TAMM41: variants seen among roughly 807,000 people sequenced by gnomAD.
TAMM41 encodes phosphatidate cytidylyltransferase, mitochondrial.
TAMM41 carries 36 observed loss-of-function variants against 44.1 expected under a neutral mutation model. The observed-to-expected ratio is 0.82, with a 90% CI of 0.63 to 1.08. The LOEUF (loss-of-function observed/expected upper bound fraction) is 1.08. TAMM41 is among the 50% of genes least tolerant of loss of function. The pLI, the probability that TAMM41 is intolerant of heterozygous loss-of-function variation, is 0.00. For synonymous variants in TAMM41, 164 were observed against 153.1 expected (o/e 1.07, Z -0.53); for missense variants, 417 against 404.3 (o/e 1.03, Z -0.27).
At chr3:11,830,993 C>A (rs1021901127) in intron 3 of TAMM41, 1 of 152,114 alleles carries the variant, frequency 6.6e-6, no homozygotes, top group African/African-American at 2.4e-5. Context: ...CTTACTAGCT[C>A]TGTGACTATG....
chr3:11,732,674 G>A, the TAMM41 span, among the ~76,000 whole-genome samples: 32,097 of 152,108 alleles, frequency 0.21, 3,558 homozygotes, highest in East Asian at 0.3. Context: ...GATCAAGGAG[G>A]GCCTCTCTGA....
At chr3:11,795,104 T>A (rs563123431) in intron 7 of TAMM41, among the ~76,000 whole-genome samples, 5 of 152,310 alleles carry the variant, frequency 3.3e-5, no homozygotes, top group South Asian at 4.1e-4. Context: ...TTCTACTGTG[T>A]TCCCGGAAAA....
intron 3 of TAMM41, among the ~76,000 whole-genome samples, chr3:11,838,411 T>G (rs1248382050): frequency 1.3e-5 from 2 of 151,994 alleles, no homozygotes; most frequent in Non-Finnish European, 2.9e-5. Flanking sequence ...AGAGACGGGG[T>G]TTCACCACTT....
chr3:11,786,569 C>T (rs1163534634), downstream of TAMM41, among the ~76,000 whole-genome samples: 1 of 152,094 alleles, frequency 6.6e-6, no homozygotes, highest in Non-Finnish European at 1.5e-5. Flanking sequence ...TCCCAAAGTG[C>T]TGGGATTACA....
At chr3:11,832,183 T>A (rs2079007509) in intron 3 of TAMM41, among the ~76,000 whole-genome samples, 1 of 152,152 alleles carries the variant, frequency 6.6e-6, no homozygotes, top group Admixed American at 6.6e-5. Context: ...TGCTTATTCC[T>A]TGAATAACTT....
chr3:11,767,626 A>AGTTTTTTTTTTTTTTTTTT, the TAMM41 span, among the ~76,000 whole-genome samples: 1 of 60,692 alleles, frequency 1.6e-5, no homozygotes. Context: ...CACGTTGTGC[A>AGTTTTTTTTTTTTTTTTTT]TTTTTTTTTT....
At chr3:11,837,258 T>C (rs2173331) in intron 3 of TAMM41, among the ~76,000 whole-genome samples, 87,385 of 152,042 alleles carry the variant, frequency 0.57, 27,080 homozygotes, top group African/African-American at 0.78. Context: ...GAGAACAATC[T>C]ATCGGCCTCT....
the TAMM41 span, among the ~76,000 whole-genome samples, chr3:11,746,073 G>C: frequency 6.6e-6 from 1 of 152,144 alleles, no homozygotes; most frequent in Non-Finnish European, 1.5e-5. Flanking sequence ...GGCCGAGGCA[G>C]GTGGATCACG....
chr3:11,839,371 C>T, intron 2 of TAMM41, 57 bp from the exon 3 acceptor site: 1 of 1,137,060 alleles, frequency 8.8e-7, no homozygotes, highest in Non-Finnish European at 1.3e-6. Flanking sequence ...ATTGCTTATA[C>T]AAGTATAAAA....
chr3:11,781,737 AATAAT>A, the TAMM41 span, among the ~76,000 whole-genome samples: 12 of 23,370 alleles, frequency 5.1e-4, no homozygotes, highest in Admixed American at 3.2e-3. Flanking sequence ...TCCATCTCAA[AATAAT>A]AATAATAATA....
chr3:11,813,993 C>CACAG (rs1315695454), intron 5 of TAMM41, among the ~76,000 whole-genome samples: 7 of 115,562 alleles, frequency 6.1e-5, no homozygotes, highest in Non-Finnish European at 6.7e-5. Context: ...CCTGTGTATA[C>CACAG]ACACACACAC....
the TAMM41 span, among the ~76,000 whole-genome samples, chr3:11,725,260 CTT>C: frequency 7.1e-6 from 1 of 140,856 alleles, no homozygotes. Flanking sequence ...CCTCCTTCTC[CTT>C]TTCTTCCTCC....
At chr3:11,778,276 G>A in the TAMM41 span, among the ~76,000 whole-genome samples, 1 of 152,024 alleles carries the variant, frequency 6.6e-6, no homozygotes, top group Admixed American at 6.6e-5. Flanking sequence ...CCAGGCTGGA[G>A]TGCAGTGGTG....
At chr3:11,807,456 G>C (rs1287898941) in intron 7 of TAMM41, 1 of 1,536,086 alleles carries the variant, frequency 6.5e-7, no homozygotes, top group Non-Finnish European at 8.7e-7. Flanking sequence ...AACCCACTAA[G>C]ACAGATGGAA....
the TAMM41 span, among the ~76,000 whole-genome samples, chr3:11,784,145 C>A: frequency 6.6e-6 from 1 of 152,066 alleles, no homozygotes; most frequent in African/African-American, 2.4e-5. Context: ...AGGCTGAGGG[C>A]AACAGGAACA....
At chr3:11,729,538 CATTT>C in the TAMM41 span, among the ~76,000 whole-genome samples, 5 of 65,540 alleles carry the variant, frequency 7.6e-5, 1 homozygote, top group African/African-American at 2.1e-4. Context: ...TTCTTTCTTT[CATTT>C]TTTTTTTTTT....
At chr3:11,823,653 C>G (rs948820699) in intron 4 of TAMM41, among the ~76,000 whole-genome samples, 1 of 141,672 alleles carries the variant, frequency 7.1e-6, no homozygotes, top group Non-Finnish European at 1.5e-5. Flanking sequence ...TGTTAGCTGC[C>G]TTTTTACTTT....
chr3:11,728,930 C>T, the TAMM41 span, among the ~76,000 whole-genome samples: 2 of 151,416 alleles, frequency 1.3e-5, no homozygotes, highest in Admixed American at 6.6e-5. Context: ...ATCGCTTGAA[C>T]CCGGGAGGCG....
chr3:11,725,451 C>T, the TAMM41 span, among the ~76,000 whole-genome samples: 1,051 of 137,384 alleles, frequency 7.7e-3, 21 homozygotes, highest in African/African-American at 0.033. Context: ...TCCTCCTCCT[C>T]CTCCTTCTTC....
Sources: gnomAD v4.1 joint callset for allele counts (sites outside exome capture counted in the v4.1 genomes callset) on GRCh38, gnomAD v4.1.1 for gene constraint, MANE v1.5 for transcripts, NCBI Gene and HGNC (gene_info 2026-07-23, HGNC 2026-07-21) for gene names.